Variants in GATAD2A observed in about 807,000 individuals in gnomAD.
GATAD2A encodes transcriptional repressor p66-alpha.
GATAD2A carries 12 observed loss-of-function variants against 68.5 expected under a neutral mutation model. The ratio of observed to expected loss-of-function variants is 0.18; its 90% confidence interval spans 0.11 to 0.28. GATAD2A has a LOEUF of 0.28. GATAD2A is among the 10% of genes least tolerant of loss of function. GATAD2A has a pLI of 1.00. For missense variants in GATAD2A, 755 were observed against 868.5 expected (o/e 0.87, Z 1.64); for synonymous variants, 410 against 375.3 (o/e 1.09, Z -1.07).
At chr19:19,409,528 A>G (rs1470789506) in intron 1 of GATAD2A, among the ~76,000 whole-genome samples, 1 of 152,148 alleles carries the variant, frequency 6.6e-6, no homozygotes, top group Non-Finnish European at 1.5e-5. Flanking sequence ...CTTTTGAGTT[A>G]TCTGAGCTGC....
chr19:19,481,516 G>A (rs1280750932), intron 2 of GATAD2A, among the ~76,000 whole-genome samples: 2 of 152,168 alleles, frequency 1.3e-5, no homozygotes, highest in Non-Finnish European at 2.9e-5. Context: ...TTTAGAGACA[G>A]GGTCTCACTG....
intron 2 of GATAD2A, among the ~76,000 whole-genome samples, chr19:19,469,832 A>T (rs1300510105): frequency 1.3e-5 from 2 of 152,154 alleles, no homozygotes; most frequent in Non-Finnish European, 2.9e-5. Flanking sequence ...CTATAGTCCC[A>T]GCTACTTGGG....
At chr19:19,480,220 T>C (rs777489944) in intron 2 of GATAD2A, among the ~76,000 whole-genome samples, 6 of 152,220 alleles carry the variant, frequency 3.9e-5, no homozygotes, top group Non-Finnish European at 2.9e-5. Flanking sequence ...TTCCCCTGAA[T>C]GACATTTTAC....
intron 2 of GATAD2A, among the ~76,000 whole-genome samples, chr19:19,469,062 A>AT (rs1010200289): frequency 6.6e-6 from 1 of 152,228 alleles, no homozygotes; most frequent in African/African-American, 2.4e-5. Flanking sequence ...CATCAGTCTT[A>AT]TATAGATTGT....
chr19:19,419,716 A>G (rs988456849), intron 1 of GATAD2A, among the ~76,000 whole-genome samples: 1 of 152,006 alleles, frequency 6.6e-6, no homozygotes, highest in East Asian at 1.9e-4. Flanking sequence ...GGGTTTTGCC[A>G]TGTTGGCCAG....
upstream of GATAD2A, among the ~76,000 whole-genome samples, chr19:19,404,187 G>C (rs1453648061): frequency 6.6e-6 from 1 of 151,908 alleles, no homozygotes; most frequent in Admixed American, 6.6e-5. Context: ...GTTGACAATT[G>C]TATGTAGAAC....
chr19:19,471,944 A>G (rs2058343066), intron 2 of GATAD2A, among the ~76,000 whole-genome samples: 2 of 152,036 alleles, frequency 1.3e-5, no homozygotes, highest in Admixed American at 6.5e-5. Flanking sequence ...CGGCCAGGCA[A>G]GAGTGCAGTG....
chr19:19,396,286 C>G (rs2049236451), intron 1 of GATAD2A, among the ~76,000 whole-genome samples: 1 of 152,110 alleles, frequency 6.6e-6, no homozygotes, highest in Non-Finnish European at 1.5e-5. Flanking sequence ...TGCACTCCAG[C>G]CTGGGCAACA....
Position 19,496,168 on chromosome 19 carries a change from C to T in GATAD2A, c.873C>T (p.Leu291=), listed in dbSNP as rs756000158. The T allele has an allele frequency of 6.2e-7, 1 of 1,613,848 alleles. No homozygotes were observed. Among genetic ancestry groups the T allele is most frequent in the South Asian group, 1.1e-5 (1 of 91,088 alleles). ...IQGQRIIQQG[L]IRVANVPNTS... ...GACAGAGGATCATCCAGCAGGGCCT[C>T]ATCCGCGTCGCCAATGTTCCCAACA... Residue 291 remains leucine, a synonymous_variant, in exon 7 of 12, where the codon CTC becomes CTT. Coordinates refer to ENST00000683918, the MANE Select transcript of GATAD2A (RefSeq NM_001384528.1).
intron 2 of GATAD2A, among the ~76,000 whole-genome samples, chr19:19,473,774 TAA>T (rs1192789940): frequency 0.012 from 1,533 of 123,304 alleles, 13 homozygotes; most frequent in African/African-American, 0.023. Context: ...CGTCTCTACT[TAA>T]AAAAAAAAAA....
chr19:19,469,435 A>AAAAAAAAAAG (rs986046869), intron 2 of GATAD2A, among the ~76,000 whole-genome samples: 3 of 151,922 alleles, frequency 2.0e-5, no homozygotes, highest in East Asian at 1.9e-4. Context: ...CCATCTCAAA[A>AAAAAAAAAAG]AAAAAGAAAA....
At chr19:19,479,912 A>G (rs4808204) in intron 2 of GATAD2A, among the ~76,000 whole-genome samples, 23,289 of 139,236 alleles carry the variant, frequency 0.17, 1,941 homozygotes, top group Middle Eastern at 0.32. Flanking sequence ...ATCTCGGCTC[A>G]CTGCAACCTC....
At chr19:19,490,612 G>A (rs978038587) in intron 2 of GATAD2A, among the ~76,000 whole-genome samples, 1 of 152,132 alleles carries the variant, frequency 6.6e-6, no homozygotes, top group East Asian at 1.9e-4. Context: ...CAAAAAAAAT[G>A]GACTTGATTC....
Position 19,439,200 on chromosome 19 carries a change from G to A in GATAD2A, c.-6-26140G>A, listed in dbSNP as rs192746052. On this transcript the variant is annotated intron_variant, in intron 1 of 11. Transcript: ENST00000683918. Reference sequence around the variant, plus strand: ...TACATTTATTCTTATGGGCACAGGGGCAGTCTTGCCTGTTCATGGACTTGG... The same window carrying A: ...TACATTTATTCTTATGGGCACAGGGACAGTCTTGCCTGTTCATGGACTTGG... Among the ~76,000 whole-genome samples, 20 of 152,328 alleles carry A rather than the reference G, an allele frequency of 1.3e-4. No individual in the cohort carries two copies. The East Asian group carries it at 2.9e-3, about 22-fold the overall frequency.
At chr19:19,499,765 A>ACC (rs1311179974) in intron 8 of GATAD2A, among the ~76,000 whole-genome samples, 1 of 152,084 alleles carries the variant, frequency 6.6e-6, no homozygotes, top group East Asian at 1.9e-4. Flanking sequence ...GTTGCTTGTA[A>ACC]CCCACTCCCT....
At chr19:19,399,476 C>T (rs1395654493) in intron 1 of GATAD2A, among the ~76,000 whole-genome samples, 1 of 152,120 alleles carries the variant, frequency 6.6e-6, no homozygotes, top group Non-Finnish European at 1.5e-5. Context: ...CAGGTGTGAG[C>T]CACCTCGCCC....
chr19:19,446,811 G>C (rs1248412652), intron 1 of GATAD2A, among the ~76,000 whole-genome samples: 1 of 152,072 alleles, frequency 6.6e-6, no homozygotes, highest in Admixed American at 6.6e-5. Context: ...CTCCCTCCTC[G>C]GTCTTCCAAA....
chr19:19,502,070 C>T (rs900865239), intron 10 of GATAD2A, 27 bp downstream of exon 10: 10 of 1,555,900 alleles, frequency 6.4e-6, no homozygotes, highest in Admixed American at 1.7e-5. Context: ...GCGCCGGGAG[C>T]CTCGCGCCCC....
intron 1 of GATAD2A, among the ~76,000 whole-genome samples, chr19:19,460,257 G>A (rs2057310719): frequency 6.6e-6 from 1 of 152,204 alleles, no homozygotes; most frequent in South Asian, 2.1e-4. Context: ...GAGTAGACAG[G>A]GGTTCTGGGT....
Sources: gnomAD v4.1 joint callset for allele counts (sites outside exome capture counted in the v4.1 genomes callset) on GRCh38, gnomAD v4.1.1 for gene constraint, MANE v1.5 for transcripts, NCBI Gene and HGNC (gene_info 2026-07-23, HGNC 2026-07-21) for gene names.